C10orf90: variants seen among roughly 807,000 people sequenced by gnomAD.
The protein encoded by C10orf90 is (E2-independent) E3 ubiquitin-conjugating enzyme FATS.
In C10orf90, 56 loss-of-function variants were observed where a neutral mutation model predicts 62.5. The ratio of observed to expected loss-of-function variants is 0.90; its 90% confidence interval spans 0.72 to 1.12. C10orf90 has a LOEUF of 1.12. Ranked by LOEUF, C10orf90 falls within the 50% of genes most tolerant of loss-of-function variation. The pLI is 0.00. For synonymous variants in C10orf90, 386 were observed against 340.4 expected (o/e 1.13, Z -1.47); for missense variants, 970 against 880.4 (o/e 1.10, Z -1.29).
At chr10:126,427,079 T>C (rs1271817618) in intron 8 of C10orf90, among the ~76,000 whole-genome samples, 2 of 152,232 alleles carry the variant, frequency 1.3e-5, no homozygotes, top group Non-Finnish European at 2.9e-5. Flanking sequence ...GTTTGACTCT[T>C]TCTAGACAAC....
chr10:126,567,607 A>G (rs1226837165), intron 2 of C10orf90, among the ~76,000 whole-genome samples: 4 of 152,180 alleles, frequency 2.6e-5, no homozygotes, highest in Non-Finnish European at 4.4e-5. Flanking sequence ...GCAGGGTCGG[A>G]AGCCCTGGAA....
At chr10:126,431,603 C>T (rs1857571948) in intron 7 of C10orf90, among the ~76,000 whole-genome samples, 1 of 152,146 alleles carries the variant, frequency 6.6e-6, no homozygotes, top group Non-Finnish European at 1.5e-5. Context: ...GGAAAAGAAA[C>T]CTTGTACAAA....
chr10:126,600,547 C>A (rs565791471), intron 2 of C10orf90, among the ~76,000 whole-genome samples: 1 of 152,138 alleles, frequency 6.6e-6, no homozygotes, highest in Admixed American at 6.6e-5. Context: ...TCAGGAGACA[C>A]CAAGCAGGGA....
intron 2 of C10orf90, among the ~76,000 whole-genome samples, chr10:126,592,568 A>G (rs1332342153): frequency 2.6e-5 from 4 of 152,320 alleles, no homozygotes; most frequent in African/African-American, 9.6e-5. Flanking sequence ...ACTTAAATGT[A>G]AAACCCTAAA....
intron 2 of C10orf90, among the ~76,000 whole-genome samples, chr10:126,603,050 G>A (rs1004684135): frequency 1.4e-4 from 21 of 151,946 alleles, no homozygotes; most frequent in African/African-American, 4.8e-4. Flanking sequence ...GTGGACAGGT[G>A]CGGTGGGGGA....
At chr10:126,494,939 C>G (rs898591037) in intron 4 of C10orf90, among the ~76,000 whole-genome samples, 2 of 152,210 alleles carry the variant, frequency 1.3e-5, no homozygotes, top group East Asian at 1.9e-4. Context: ...GAAGAATCTC[C>G]CCATTACCCA....
rs1025638227 is a variant in C10orf90 at position 126,668,425 on chromosome 10, G to C, written c.240+1816C>G. Among the ~76,000 whole-genome samples, 3 of 152,098 alleles carry C rather than the reference G, an allele frequency of 2.0e-5. No individual in the cohort carries two copies. The East Asian group carries it at 5.8e-4, about 29-fold the overall frequency. On this transcript the variant is annotated intron_variant, in intron 1 of 9. Transcript: ENST00000488181. The stretch of plus-strand genomic sequence containing the variant: ...GGCAGAACCCAGAAGTGCTAATTGG[G>C]GTCTCTCAGCAGTTCAGCTTGGGAA...
chr10:126,459,344 A>G, intron 6 of C10orf90, 127 bp from the exon 7 acceptor site: 4 of 998,122 alleles, frequency 4.0e-6, no homozygotes, highest in Non-Finnish European at 6.1e-6. Context: ...ACGGTGCAAA[A>G]GTACGTCACG....
At chr10:126,493,427 C>A (rs1861869686) in intron 4 of C10orf90, among the ~76,000 whole-genome samples, 1 of 151,704 alleles carries the variant, frequency 6.6e-6, no homozygotes, top group African/African-American at 2.4e-5. Context: ...GTGGCATGAC[C>A]TCAGCTCACT....
intron 2 of C10orf90, among the ~76,000 whole-genome samples, chr10:126,560,750 C>G (rs547017316): frequency 6.6e-6 from 1 of 152,318 alleles, no homozygotes; most frequent in East Asian, 1.9e-4. Context: ...TGCTGCTACT[C>G]AACTCTGCAC....
intron 3 of C10orf90, among the ~76,000 whole-genome samples, chr10:126,512,709 TC>T (rs1365324213): frequency 6.6e-6 from 1 of 152,114 alleles, no homozygotes; most frequent in Non-Finnish European, 1.5e-5. Flanking sequence ...GCATTCATTT[TC>T]CTCCCCAAAC....
chr10:126,553,716 TC>T (rs1259954088), intron 2 of C10orf90, among the ~76,000 whole-genome samples: 1 of 152,206 alleles, frequency 6.6e-6, no homozygotes, highest in Non-Finnish European at 1.5e-5. Context: ...GGCTATACCA[TC>T]TAGGTTTCTG....
chr10:126,508,659 C>T (rs984754409), intron 3 of C10orf90, among the ~76,000 whole-genome samples: 2 of 152,232 alleles, frequency 1.3e-5, no homozygotes, highest in African/African-American at 4.8e-5. Context: ...CGGCCTAGGA[C>T]TCAGGCCACC....
At chr10:126,636,173 C>T (rs1845946908) in intron 2 of C10orf90, among the ~76,000 whole-genome samples, 2 of 152,272 alleles carry the variant, frequency 1.3e-5, no homozygotes, top group African/African-American at 4.8e-5. Flanking sequence ...TGCAGCAGGA[C>T]ACGTGACATC....
intron 4 of C10orf90, among the ~76,000 whole-genome samples, chr10:126,503,211 C>T (rs1390178308): frequency 4.6e-5 from 7 of 152,180 alleles, no homozygotes; most frequent in Non-Finnish European, 1.0e-4. Flanking sequence ...AAAATGCCTG[C>T]TTTCCTCTTT....
chr10:126,490,240 C>A, intron 4 of C10orf90, among the ~76,000 whole-genome samples: 1 of 146,298 alleles, frequency 6.8e-6, no homozygotes, highest in Non-Finnish European at 1.5e-5. Flanking sequence ...ATAAATGAAC[C>A]CTGAGGACAT....
chr10:126,434,130 A>C (rs2133997974), intron 7 of C10orf90, among the ~76,000 whole-genome samples: 1 of 152,342 alleles, frequency 6.6e-6, no homozygotes, highest in East Asian at 1.9e-4. Context: ...AAAGTCAGCA[A>C]ACAACCAGGT....
intron 1 of C10orf90, among the ~76,000 whole-genome samples, chr10:126,651,345 T>C (rs1360992985): frequency 6.6e-6 from 1 of 152,180 alleles, no homozygotes; most frequent in East Asian, 1.9e-4. Flanking sequence ...TGAACTAACC[T>C]AAGGCTATTT....
rs549335980 is a variant in C10orf90, at chr10:126,643,606, C to T, written c.313+2959G>A. ...GACCCAGCAGTTCCAGGTAAGGGTC[C>T]GCACGCTCTTGCTGCCAGGGCCCAA... On this transcript the variant is annotated intron_variant, in intron 2 of 9. Transcript: ENST00000488181. Among the ~76,000 whole-genome samples the T allele has an allele frequency of 2.0e-4, 31 of 152,256 alleles. 1 individual carries two copies. In the South Asian group the frequency reaches 2.7e-3, roughly 13 times the overall value.
Sources: allele counts gnomAD v4.1 joint callset (sites outside exome capture counted in the v4.1 genomes callset), GRCh38; gene constraint gnomAD v4.1.1; transcripts MANE v1.5; gene names NCBI Gene and HGNC (gene_info 2026-07-23, HGNC 2026-07-21).